CNKSR1: variants seen among roughly 807,000 people sequenced by gnomAD.
CNKSR1 encodes CNK homolog protein 1.
In CNKSR1, 88 loss-of-function variants were observed where a neutral mutation model predicts 95.6. The observed-to-expected ratio is 0.92, with a 90% CI of 0.78 to 1.10. The LOEUF (loss-of-function observed/expected upper bound fraction) is 1.10, where lower values mean the gene tolerates loss of function less well. Among genes scored for constraint, CNKSR1 ranks in the 50% least tolerant of loss-of-function variants. The pLI, the probability that CNKSR1 is intolerant of heterozygous loss-of-function variation, is 0.00. For synonymous variants in CNKSR1, 355 were observed against 369.7 expected (o/e 0.96, Z 0.46); for missense variants, 836 against 912.0 (o/e 0.92, Z 1.07).
intron 1 of CNKSR1, among the ~76,000 whole-genome samples, chr1:26,177,998 C>T (rs2088589836): frequency 6.6e-6 from 1 of 152,038 alleles, no homozygotes; most frequent in South Asian, 2.1e-4. Context: ...ACTGCGGGCT[C>T]TATCAGTCGG....
chr1:26,182,294 C>T, intron 4 of CNKSR1, 67 bp from the exon 5 acceptor site: 13 of 1,531,508 alleles, frequency 8.5e-6, no homozygotes, highest in Non-Finnish European at 1.1e-5. Context: ...ACCCTGCCCC[C>T]AGGAGAAGGC....
In CNKSR1 at chr1:26,188,754, T is replaced by G; in HGVS notation, c.1691-18T>G. 1 of 1,609,854 alleles carries G rather than the reference T, an allele frequency of 6.2e-7. No individual in the cohort carries two copies. The highest frequency in any genetic ancestry group is 8.5e-7 in the Non-Finnish European group (1 of 1,177,124). ...GGCTGGGGTGGGCACATCCTCATCC[T>G]GCTCTTCCCTCCCACAGACAGCAGT... is the stretch of plus-strand genomic sequence containing the variant. On this transcript the variant is annotated intron_variant, in intron 19 of 20. Coordinates refer to ENST00000361530, the MANE Select transcript of CNKSR1 (RefSeq NM_006314.3).
chr1:26,188,141 G>T, intron 16 of CNKSR1, 93 bp from the exon 17 acceptor site: 1 of 1,053,344 alleles, frequency 9.5e-7, no homozygotes, highest in Non-Finnish European at 1.5e-6. Flanking sequence ...GTTGCTCTGA[G>T]GATCATTAGA....
chr1:26,185,485 C>T (rs957097422), intron 14 of CNKSR1, among the ~76,000 whole-genome samples: 4 of 151,264 alleles, frequency 2.6e-5, no homozygotes, highest in Non-Finnish European at 4.4e-5. Flanking sequence ...CTCTACCTTC[C>T]GGGTTCACGC....
intron 14 of CNKSR1, 153 bp from the exon 15 acceptor site, chr1:26,187,015 C>T: frequency 1.4e-6 from 1 of 692,256 alleles, no homozygotes; most frequent in East Asian, 2.7e-5. Context: ...CAGATTCCAG[C>T]CCTGAGCTCC....
At chr1:26,183,621 G>T in intron 8 of CNKSR1, 108 bp from the exon 9 acceptor site, 1 of 1,044,878 alleles carries the variant, frequency 9.6e-7, no homozygotes, top group South Asian at 1.3e-5. Flanking sequence ...ATGAGTGGGA[G>T]GCAGAAGTGG....
At chr1:26,182,682 T>C (rs1023088241) in intron 6 of CNKSR1, 98 bp downstream of exon 6, 2 of 1,134,678 alleles carry the variant, frequency 1.8e-6, no homozygotes, top group African/African-American at 3.1e-5. Flanking sequence ...TGTGCTGCCA[T>C]GGCTGGAAAG....
chr1:26,179,165 C>T (rs968257657), intron 1 of CNKSR1, among the ~76,000 whole-genome samples: 1 of 152,204 alleles, frequency 6.6e-6, no homozygotes, highest in Non-Finnish European at 1.5e-5. Context: ...CAGTGCCTAC[C>T]TTGTCCAGGC....
chr1:26,189,101 C>T, intron 20 of CNKSR1, 148 bp downstream of exon 20: 1 of 1,284,816 alleles, frequency 7.8e-7, no homozygotes, highest in Non-Finnish European at 1.1e-6. Context: ...GCGGGCTCAG[C>T]TGTGGACTGG....
chr1:26,186,600 G>A (rs949546231), intron 14 of CNKSR1, among the ~76,000 whole-genome samples: 1 of 152,108 alleles, frequency 6.6e-6, no homozygotes, highest in Non-Finnish European at 1.5e-5. Flanking sequence ...TCAGCCTCCC[G>A]AGTAGCTGGG....
Position 26,187,200 on chromosome 1 carries a change from C to T in CNKSR1, c.1341C>T (p.Ser447=). 6.2e-7 allele frequency: 1 copy of T among 1,614,068 alleles called. No homozygotes were observed. Among genetic ancestry groups the T allele is most frequent in the Non-Finnish European group, 8.5e-7 (1 of 1,179,976 alleles). The change falls in exon 15 of 21, where the codon TCC becomes TCT. Residue 447 remains serine (S), a synonymous_variant. Coordinates refer to ENST00000361530, the MANE Select transcript of CNKSR1 (RefSeq NM_006314.3). ...AGGCTGAGGGCCTCATCAATGTCTC[C>T]AACTATAGTCTGGAAAGTGGACATG... ...DEKAEGLINV[S]NYSLESGHDQ...
intron 13 of CNKSR1, 144 bp downstream of exon 13, chr1:26,184,756 C>G: frequency 2.7e-6 from 3 of 1,096,110 alleles, no homozygotes; most frequent in Non-Finnish European, 4.1e-6. Flanking sequence ...CAGAGCTGTG[C>G]TCCCAGTCTG....
Position 26,184,566 on chromosome 1 carries a change from C to A in CNKSR1, c.1108-19C>A. ...GTCTGGACCTAGATCCTTCTCTCAC[C>A]CTTCTGCTGTCCTTTCAGAGTCCTG... On this transcript the variant is annotated intron_variant, in intron 12 of 20. Coordinates refer to ENST00000361530, the MANE Select transcript of CNKSR1 (RefSeq NM_006314.3). 1.2e-6 allele frequency: 2 copies of A among 1,608,048 alleles called. No individual in the cohort carries two copies. Among genetic ancestry groups the A allele is most frequent in the African/African-American group, 1.3e-5 (1 of 74,986 alleles).
chr1:26,180,823 A>T lies in CNKSR1; in HGVS notation c.319A>T (p.Thr107Ser). ...VQGCLGDCAK[T>S]PIDVLCAAVE... ...AGGCTGCCTGGGGGACTGTGCCAAG[A>T]CCCCTATTGATGTCCTCTGTGCAGC... The change falls in exon 3 of 21, where the codon ACC becomes TCC. Residue 107 changes from threonine to serine, a missense_variant. Coordinates refer to ENST00000361530, the MANE Select transcript of CNKSR1 (RefSeq NM_006314.3). The T allele has an allele frequency of 6.2e-7, 1 of 1,614,068 alleles. No individual in the cohort carries two copies.
rs763026660 is a variant in CNKSR1 at position 26,182,399 on chromosome 1, G to A, written c.516G>A (p.Arg172=). 6.2e-7 allele frequency: 1 copy of A among 1,614,106 alleles called. No homozygotes were observed. Among genetic ancestry groups the A allele is most frequent in the South Asian group, 1.1e-5 (1 of 91,078 alleles). Residue 172 remains arginine, a synonymous_variant, in exon 5 of 21, where the codon AGG becomes AGA. Transcript: ENST00000361530. Reference sequence around the variant, plus strand: ...CTGAGAAGGAGGGCACAGTCCTGAGGATCGTGAGTCTGTGGGGTGGGAAGA... The same window carrying A: ...CTGAGAAGGAGGGCACAGTCCTGAGAATCGTGAGTCTGTGGGGTGGGAAGA... ...PAAEKEGTVL[R]ICSHVAGICH...
chr1:26,186,754 G>A (rs931812540), intron 14 of CNKSR1, among the ~76,000 whole-genome samples: 1 of 152,024 alleles, frequency 6.6e-6, no homozygotes, highest in East Asian at 1.9e-4. Flanking sequence ...GATTACAGGT[G>A]TGAGCCACCA....
intron 8 of CNKSR1, 108 bp from the exon 9 acceptor site, chr1:26,183,621 G>A: frequency 9.6e-7 from 1 of 1,044,876 alleles, no homozygotes. Flanking sequence ...ATGAGTGGGA[G>A]GCAGAAGTGG....
In CNKSR1 at chr1:26,177,570, C is replaced by T; in HGVS notation, c.23C>T (p.Thr8Ile). ...GCCATGGAACCGGTAGAGACCTGGA[C>T]CCCCGGAAAGGTGGCAACTTGGCTG... is the stretch of plus-strand genomic sequence containing the variant. MEPVETW[T>I]PGKVATWLRG... The change falls in exon 1 of 21, where the codon ACC becomes ATC. Residue 8 changes from threonine to isoleucine, a missense_variant. Physicochemically the swap from Thr to Ile is moderately conservative, Grantham distance 89. Transcript: ENST00000361530. 3 of 1,613,984 alleles carry T rather than the reference C, an allele frequency of 1.9e-6. No homozygotes were observed. The highest frequency in any genetic ancestry group is 2.2e-5 in the East Asian group (1 of 44,882).
intron 3 of CNKSR1, 200 bp from the exon 4 acceptor site, chr1:26,181,657 G>A (rs890618487): frequency 1.3e-5 from 8 of 615,074 alleles, no homozygotes; most frequent in African/African-American, 1.1e-4. Context: ...GCCTAGAACA[G>A]GGCTTGGCAT....
Sources: allele counts gnomAD v4.1 joint callset (sites outside exome capture counted in the v4.1 genomes callset), GRCh38; gene constraint gnomAD v4.1.1; transcripts MANE v1.5; gene names NCBI Gene and HGNC (gene_info 2026-07-23, HGNC 2026-07-21).